GULP1: variants seen among roughly 807,000 people sequenced by gnomAD.
GULP1 encodes the protein GULP PTB domain containing engulfment adaptor 1.
A neutral mutation model predicts 40.9 loss-of-function variants in GULP1; 19 were observed. The observed-to-expected ratio is 0.46, with a 90% CI of 0.32 to 0.68. GULP1 has a LOEUF of 0.68. GULP1 is among the 30% of genes least tolerant of loss of function. The pLI, the probability that GULP1 is intolerant of heterozygous loss-of-function variation, is 0.03. For synonymous variants in GULP1, 119 were observed against 117.6 expected, an observed-to-expected ratio of 1.01 and a Z score of -0.08; for missense variants, 312 against 362.2, an observed-to-expected ratio of 0.86 and a Z score of 1.12.
chr2:188,345,553 G>C lies in GULP1; in HGVS notation c.-171-38210G>C, dbSNP rs373287533. 2.3e-4 allele frequency among the ~76,000 whole-genome samples: 35 copies of C among 152,332 alleles called. 1 individual carries two copies. The highest frequency in any genetic ancestry group is 8.2e-4 in the African/African-American group (34 of 41,580). ...AATATGATCATTGGATTGAGAGTTT[G>C]AGGGTTATTGTTGCCTGTTGAAAAT... On this transcript the variant is annotated intron_variant, in intron 1 of 11. Coordinates refer to ENST00000409830, the MANE Select transcript of GULP1 (RefSeq NM_016315.4).
chr2:188,348,376 G>A (rs1388976984), intron 1 of GULP1, among the ~76,000 whole-genome samples: 2 of 152,174 alleles, frequency 1.3e-5, no homozygotes, highest in Non-Finnish European at 2.9e-5. Context: ...TCAACTAACA[G>A]TGGTAACACT....
At chr2:188,312,410 T>C (rs1339890494) in intron 1 of GULP1, among the ~76,000 whole-genome samples, 1 of 152,144 alleles carries the variant, frequency 6.6e-6, no homozygotes, top group African/African-American at 2.4e-5. Context: ...TGGTTTTCTG[T>C]TTCTGTGTTA....
chr2:188,550,026 A>G (rs962743833), intron 7 of GULP1, among the ~76,000 whole-genome samples: 3 of 151,760 alleles, frequency 2.0e-5, no homozygotes, highest in Admixed American at 1.3e-4. Context: ...TATTCTGACT[A>G]TATTATGAAT....
chr2:188,464,161 G>A (rs1431934526), intron 2 of GULP1, among the ~76,000 whole-genome samples: 4 of 152,098 alleles, frequency 2.6e-5, no homozygotes, highest in Non-Finnish European at 5.9e-5. Flanking sequence ...TTCTTGGGCA[G>A]GCTTTCCAGA....
intron 7 of GULP1, among the ~76,000 whole-genome samples, chr2:188,558,698 A>G (rs1469384626): frequency 6.6e-6 from 1 of 152,180 alleles, no homozygotes; most frequent in African/African-American, 2.4e-5. Context: ...AAAAGCCTGA[A>G]TGTGATATGG....
At chr2:188,370,553 T>G (rs367766115) in intron 1 of GULP1, among the ~76,000 whole-genome samples, 2 of 152,216 alleles carry the variant, frequency 1.3e-5, no homozygotes, top group African/African-American at 4.8e-5. Flanking sequence ...TATGGGTTAT[T>G]TCAATCCATA....
chr2:188,577,400 G>C (rs1460820843), intron 9 of GULP1, among the ~76,000 whole-genome samples: 1 of 152,004 alleles, frequency 6.6e-6, no homozygotes, highest in Non-Finnish European at 1.5e-5. Flanking sequence ...TACACAACAA[G>C]CTGAATGTGA....
chr2:188,464,410 A>G (rs958855003), intron 2 of GULP1, among the ~76,000 whole-genome samples: 2 of 152,156 alleles, frequency 1.3e-5, no homozygotes, highest in African/African-American at 2.4e-5. Context: ...AGAGTGGCAC[A>G]TCACCCCTGT....
At chr2:188,294,814 A>C (rs952087133) in intron 1 of GULP1, among the ~76,000 whole-genome samples, 2 of 152,228 alleles carry the variant, frequency 1.3e-5, no homozygotes, top group African/African-American at 2.4e-5. Flanking sequence ...AAATAATGTT[A>C]ATAGGCTTTT....
chr2:188,454,693 A>G (rs2059117111), intron 2 of GULP1, among the ~76,000 whole-genome samples: 1 of 152,242 alleles, frequency 6.6e-6, no homozygotes. Flanking sequence ...CCAAAACTGA[A>G]GACTGCTGGT....
intron 7 of GULP1, among the ~76,000 whole-genome samples, chr2:188,560,294 G>A (rs1695903137): frequency 1.3e-5 from 2 of 152,068 alleles, no homozygotes; most frequent in African/African-American, 4.8e-5. Context: ...CTAGGGCAGG[G>A]GCACAATGCA....
At position 188,568,498 on chromosome 2, in the gene GULP1, A is replaced by G. The variant is rs145001120; in HGVS notation, c.400-741A>G. Reference sequence around the variant, plus strand: ...TGGCAGTTTCAAATCAATAGATCTGAGATTGTAAGTTGTTTACAAGCCCAA... The same window carrying G: ...TGGCAGTTTCAAATCAATAGATCTGGGATTGTAAGTTGTTTACAAGCCCAA... On this transcript the variant is annotated intron_variant, in intron 7 of 11. Transcript: ENST00000409830. Among the ~76,000 whole-genome samples, 129 of 152,340 alleles carry G rather than the reference A, an allele frequency of 8.5e-4. 2 individuals carry two copies. In the East Asian group the frequency reaches 0.02, roughly 24 times the overall value.
At chr2:188,451,435 T>C (rs913570657) in intron 2 of GULP1, among the ~76,000 whole-genome samples, 1 of 152,234 alleles carries the variant, frequency 6.6e-6, no homozygotes, top group African/African-American at 2.4e-5. Context: ...AGAAAGTTTT[T>C]ATTTTACATC....
At chr2:188,452,813 A>G (rs925513757) in intron 2 of GULP1, among the ~76,000 whole-genome samples, 1 of 152,204 alleles carries the variant, frequency 6.6e-6, no homozygotes, top group Admixed American at 6.5e-5. Flanking sequence ...GAATTTGAAT[A>G]TTTTATTAAT....
intron 4 of GULP1, among the ~76,000 whole-genome samples, chr2:188,502,886 G>A (rs1330814103): frequency 6.6e-6 from 1 of 151,898 alleles, no homozygotes; most frequent in Non-Finnish European, 1.5e-5. Context: ...TGTCTGATAA[G>A]GATCCTGTCT....
intron 2 of GULP1, among the ~76,000 whole-genome samples, chr2:188,408,618 A>G (rs1383090185): frequency 6.6e-6 from 1 of 152,196 alleles, no homozygotes. Context: ...TTATCTAGAC[A>G]GAAAACAATA....
chr2:188,493,081 A>G (rs554373562), intron 4 of GULP1, among the ~76,000 whole-genome samples: 2 of 152,112 alleles, frequency 1.3e-5, no homozygotes, highest in Non-Finnish European at 1.5e-5. Context: ...CAGATAACCA[A>G]ACACTTTATT....
rs182090131 is a variant in GULP1, at chr2:188,344,947, T to A, written c.-171-38816T>A. On this transcript the variant is annotated intron_variant, in intron 1 of 11. Transcript: ENST00000409830. ...AGATATGTCTTGCAATGTACTTTTTTAAAAAAAGTATAGCTTTGTTATTTT... is the reference window on the plus strand; with the variant it reads ...AGATATGTCTTGCAATGTACTTTTTAAAAAAAAGTATAGCTTTGTTATTTT... Among the ~76,000 whole-genome samples the A allele has an allele frequency of 2.2e-4, 34 of 152,296 alleles. 1 individual carries two copies. The highest frequency in any genetic ancestry group is 5.8e-4 in the East Asian group (3 of 5,188).
chr2:188,532,066 C>T (rs1052702612), intron 6 of GULP1, among the ~76,000 whole-genome samples: 2 of 151,824 alleles, frequency 1.3e-5, no homozygotes, highest in Non-Finnish European at 2.9e-5. Flanking sequence ...GGGGCTTGTC[C>T]CAGCACACAT....
Sources: gnomAD v4.1 joint callset for allele counts (sites outside exome capture counted in the v4.1 genomes callset) on GRCh38, gnomAD v4.1.1 for gene constraint, MANE v1.5 for transcripts, NCBI Gene and HGNC (gene_info 2026-07-23, HGNC 2026-07-21) for gene names.